SRSF4: variants seen among roughly 807,000 people sequenced by gnomAD.
SRSF4 encodes the protein serine and arginine rich splicing factor 4, also known as serine/arginine-rich splicing factor 4.
SRSF4 carries 12 observed loss-of-function variants against 48.8 expected under a neutral mutation model. The ratio of observed to expected loss-of-function variants is 0.25; its 90% confidence interval spans 0.16 to 0.40. The LOEUF (loss-of-function observed/expected upper bound fraction) is 0.40. Ranked by LOEUF, SRSF4 falls within the 10% of genes least tolerant of loss-of-function variation. The pLI, the probability that SRSF4 is intolerant of heterozygous loss-of-function variation, is 1.00. For synonymous variants in SRSF4, 248 were observed against 232.5 expected (o/e 1.07, Z -0.61); for missense variants, 466 against 667.1 (o/e 0.70, Z 3.32).
intron 5 of SRSF4, 120 bp downstream of exon 5, chr1:29,149,983 G>A (rs984791557): frequency 1.7e-5 from 14 of 805,246 alleles, no homozygotes; most frequent in Admixed American, 5.9e-5. Flanking sequence ...AGCCATGACT[G>A]TACCACTGGA....
rs1672969166 is a variant in SRSF4, at chr1:29,181,863, C to G, written c.-111G>C. On this transcript the variant is annotated 5_prime_UTR_variant, in exon 1 of 6. Coordinates refer to ENST00000373795, the MANE Select transcript of SRSF4 (RefSeq NM_005626.5). The stretch of plus-strand genomic sequence containing the variant: ...CGGCGGCAACGGGCGGGCGGCGGGA[C>G]GGACGCAGCCGAACCCCGGCGACGT... 2.3e-6 allele frequency: 2 copies of G among 851,402 alleles called. No homozygotes were observed. Among genetic ancestry groups the G allele is most frequent in the Admixed American group, 4.4e-5 (1 of 22,920 alleles). The allele number at this position is 851,402 out of a possible 1,614,324, so 52.7% of individuals were successfully genotyped here. A position where few individuals can be genotyped will look rare whatever the true frequency, so the allele number is the denominator to read the frequency against.
intron 1 of SRSF4, among the ~76,000 whole-genome samples, chr1:29,180,411 C>T (rs867271797): frequency 6.6e-6 from 1 of 152,202 alleles, no homozygotes; most frequent in African/African-American, 2.4e-5. Context: ...AAGACGTCCT[C>T]AGAAAGAAAA....
At position 29,148,502 on chromosome 1, in the gene SRSF4, C is replaced by T; in HGVS notation, c.1393G>A (p.Ala465Thr). The change falls in exon 6 of 6, where the codon GCT (alanine) becomes ACT (threonine). Residue 465 changes from alanine to threonine, a missense_variant. Physicochemically the swap from Ala to Thr is moderately conservative, Grantham distance 58. Around this residue, in one of 2 missense-constraint regions of SRSF4, gnomAD observed 402 missense variants for 437.0 expected, o/e 0.92. Transcript: ENST00000373795. Reference sequence around the variant, plus strand: ...TTGGACCGAGATCGGGTTTTTGAAGCTGACTTTGATCTGGAGCGTGATTCT... The same window carrying T: ...TTGGACCGAGATCGGGTTTTTGAAGTTGACTTTGATCTGGAGCGTGATTCT... ...PSESRSRSKSASKTRSRSKSR... is the reference protein window; with the variant it reads ...PSESRSRSKSTSKTRSRSKSR... 1 of 1,614,092 alleles carries T rather than the reference C, an allele frequency of 6.2e-7. No homozygotes were observed. Among genetic ancestry groups the T allele is most frequent in the Non-Finnish European group, 8.5e-7 (1 of 1,180,020 alleles).
At chr1:29,169,750 T>A (rs1672721416) in intron 1 of SRSF4, 1 of 152,162 alleles carries the variant, frequency 6.6e-6, no homozygotes, top group African/African-American at 2.4e-5. Context: ...GAGTCCACAT[T>A]GCAGATAACA....
chr1:29,148,028 C>T lies in SRSF4; in HGVS notation c.*382G>A, dbSNP rs893267431. On this transcript the variant is annotated 3_prime_UTR_variant, in exon 6 of 6. Coordinates refer to ENST00000373795, the MANE Select transcript of SRSF4 (RefSeq NM_005626.5). ...CTTAGCACTTTCACTAAATGGCATA[C>T]ATCGAAGGGCATCAATTCAAGAGCA... is the stretch of plus-strand genomic sequence containing the variant. The T allele has an allele frequency of 4.3e-6, 2 of 467,016 alleles. No homozygotes were observed. The highest frequency in any genetic ancestry group is 4.7e-5 in the Admixed American group (2 of 42,772). The allele number at this position is 467,016 out of a possible 1,614,324, so 28.9% of individuals were successfully genotyped here.
intron 1 of SRSF4, among the ~76,000 whole-genome samples, chr1:29,163,972 C>T (rs553553150): frequency 4.6e-5 from 7 of 152,252 alleles, no homozygotes; most frequent in African/African-American, 1.2e-4. Flanking sequence ...TCCAAGGCTT[C>T]GACTAACATC....
intron 4 of SRSF4, among the ~76,000 whole-genome samples, chr1:29,154,050 C>A (rs1192694490): frequency 6.6e-6 from 1 of 151,602 alleles, no homozygotes; most frequent in African/African-American, 2.4e-5. Flanking sequence ...GTACGTGCGC[C>A]ACCACACCAT....
chr1:29,169,627 AAC>A (rs529967813), intron 1 of SRSF4: 59 of 152,354 alleles, frequency 3.9e-4, no homozygotes, highest in African/African-American at 1.4e-3. Context: ...CAGCAATGAG[AAC>A]ACAAATATAT....
At chr1:29,176,693 C>T (rs1019974891) in intron 1 of SRSF4, among the ~76,000 whole-genome samples, 5 of 152,078 alleles carry the variant, frequency 3.3e-5, no homozygotes, top group Non-Finnish European at 7.4e-5. Flanking sequence ...CAGTGACATA[C>T]ACAACAACGA....
intron 1 of SRSF4, among the ~76,000 whole-genome samples, chr1:29,177,864 C>T (rs1372722729): frequency 6.8e-6 from 1 of 147,172 alleles, no homozygotes; most frequent in South Asian, 2.2e-4. Context: ...CATTTGTTTC[C>T]TTATTTGGTC....
intron 4 of SRSF4, among the ~76,000 whole-genome samples, chr1:29,153,355 C>T (rs1159896253): frequency 6.6e-6 from 1 of 152,030 alleles, no homozygotes; most frequent in African/African-American, 2.4e-5. Context: ...ATCACGTTGG[C>T]CAGGCTGGTC....
intron 4 of SRSF4, among the ~76,000 whole-genome samples, chr1:29,150,671 C>CTGAACCTCTT (rs1210958071): frequency 1.3e-5 from 2 of 152,188 alleles, no homozygotes; most frequent in Non-Finnish European, 2.9e-5. Context: ...GATGGTTCAC[C>CTGAACCTCTT]TGAACCTCTT....
intron 1 of SRSF4, among the ~76,000 whole-genome samples, chr1:29,162,717 T>C (rs768281322): frequency 2.1e-4 from 32 of 152,236 alleles, no homozygotes; most frequent in Non-Finnish European, 4.1e-4. Flanking sequence ...AATGACTGAA[T>C]GACCAGGACT....
At chr1:29,164,016 C>T (rs1672635043) in intron 1 of SRSF4, among the ~76,000 whole-genome samples, 1 of 152,202 alleles carries the variant, frequency 6.6e-6, no homozygotes, top group Non-Finnish European at 1.5e-5. Context: ...AAAATTAGTG[C>T]TCCTTTGGTT....
At position 29,148,658 on chromosome 1, in the gene SRSF4, T is replaced by C. The variant is rs1268404527; in HGVS notation, c.1237A>G (p.Lys413Glu). 1.9e-6 allele frequency: 3 copies of C among 1,614,022 alleles called. No individual in the cohort carries two copies. The highest frequency in any genetic ancestry group is 1.1e-5 in the South Asian group (1 of 91,082). ...QSRSPSRSVS[K>E]EREHAKSESS... The stretch of plus-strand genomic sequence containing the variant: ...TCAGACTTGGCATGTTCCCGCTCCT[T>C]TGACACGGAGCGGGATGGAGATCTG... The change falls in exon 6 of 6, where the codon AAG becomes GAG. Residue 413 changes from lysine (K) to glutamate (E), a missense_variant. By Grantham distance (56) the Lys-to-Glu change is moderately conservative. Coordinates refer to ENST00000373795, the MANE Select transcript of SRSF4 (RefSeq NM_005626.5).
chr1:29,157,107 T>G (rs1672513179), intron 3 of SRSF4, among the ~76,000 whole-genome samples: 1 of 152,146 alleles, frequency 6.6e-6, no homozygotes, highest in Non-Finnish European at 1.5e-5. Context: ...CTGGCCACAT[T>G]CCAGTGCTTC....
rs1347923503 is a variant in SRSF4 at position 29,148,338 on chromosome 1, A to C, written c.*72T>G. On this transcript the variant is annotated 3_prime_UTR_variant, in exon 6 of 6. Coordinates refer to ENST00000373795, the MANE Select transcript of SRSF4 (RefSeq NM_005626.5). ...GTACAGCAGTGACATGTTCTACTCC[A>C]ATCACTTGTGCTACGGCTACCAAAC... 1 of 1,530,412 alleles carries C rather than the reference A, an allele frequency of 6.5e-7. No homozygotes were observed. Among genetic ancestry groups the C allele is most frequent in the African/African-American group, 1.4e-5 (1 of 72,610 alleles). 94.8% of individuals were successfully genotyped at this position (1,530,412 alleles called of 1,614,324 possible). A position where few individuals can be genotyped will look rare whatever the true frequency, so the allele number is the denominator to read the frequency against.
chr1:29,150,009 C>CA (rs1375573219), intron 5 of SRSF4, 94 bp downstream of exon 5: 1 of 1,043,964 alleles, frequency 9.6e-7, no homozygotes, highest in Admixed American at 1.8e-5. Context: ...GCTTGGGTGA[C>CA]AGAGTGTCTC....
intron 1 of SRSF4, among the ~76,000 whole-genome samples, chr1:29,164,045 C>T (rs1672635315): frequency 6.6e-6 from 1 of 152,134 alleles, no homozygotes; most frequent in Non-Finnish European, 1.5e-5. Flanking sequence ...GAGATGGGGT[C>T]TCAATATGTT....
Sources: gnomAD v4.1 joint callset for allele counts (sites outside exome capture counted in the v4.1 genomes callset) on GRCh38, gnomAD v4.1.1 for gene constraint, gnomAD v4.1.1 regional missense constraint, MANE v1.5 for transcripts, NCBI Gene and HGNC (gene_info 2026-07-23, HGNC 2026-07-21) for gene names.